The following RBFOX1 variants were observed in gnomAD, a reference collection of about 807,000 sequenced individuals.
The protein encoded by RBFOX1 is RNA binding fox-1 homolog 1.
Under a neutral mutation model 57.7 loss-of-function variants are expected in RBFOX1, and 8 were observed. The ratio of observed to expected loss-of-function variants is 0.14; its 90% CI spans 0.08 to 0.25. RBFOX1 has a LOEUF of 0.25. RBFOX1 is among the 10% of genes least tolerant of loss of function. The pLI is 1.00. For synonymous variants in RBFOX1, 326 were observed against 222.4 expected, an observed-to-expected ratio of 1.47 and a Z score of -4.15; for missense variants, 611 against 548.5, an observed-to-expected ratio of 1.11 and a Z score of -1.14.
intron 3 of RBFOX1, among the ~76,000 whole-genome samples, chr16:6,827,529 C>T (rs1291841873): frequency 6.6e-6 from 1 of 152,072 alleles, no homozygotes; most frequent in African/African-American, 2.4e-5. Context: ...CTGAGTGTGA[C>T]CATGTCACTC....
chr16:6,383,474 T>C (rs1315607396), intron 2 of RBFOX1, among the ~76,000 whole-genome samples: 1 of 152,126 alleles, frequency 6.6e-6, no homozygotes, highest in African/African-American at 2.4e-5. Context: ...ACCAAGCCCC[T>C]TCTAGAAAAA....
intron 9 of RBFOX1, 122 bp from the exon 10 acceptor site, chr16:7,607,163 C>G (rs147602293): frequency 6.1e-6 from 5 of 823,724 alleles, no homozygotes; most frequent in Middle Eastern, 3.4e-4. Flanking sequence ...CCAAACGACA[C>G]CTCCTTTACA....
At chr16:7,346,997 A>G (rs1199577903) in intron 4 of RBFOX1, among the ~76,000 whole-genome samples, 3 of 152,326 alleles carry the variant, frequency 2.0e-5, no homozygotes, top group East Asian at 1.9e-4. Flanking sequence ...CTCAAAAGAG[A>G]AAGAAAAAAG....
At chr16:7,115,088 T>G (rs571823478) in intron 4 of RBFOX1, among the ~76,000 whole-genome samples, 1 of 152,338 alleles carries the variant, frequency 6.6e-6, no homozygotes, top group Admixed American at 6.5e-5. Context: ...AGCCTTTGCT[T>G]AAAAATAATG....
chr16:6,683,199 AT>A lies in RBFOX1; in HGVS notation c.-16+28550del, dbSNP rs201273076. ...TTACATTAAATTGTCACATAAAAAAATAAAAAGGGTGAGAGAACTGTTCTAA... is the reference window on the plus strand; with the variant it reads ...TTACATTAAATTGTCACATAAAAAAAAAAAAGGGTGAGAGAACTGTTCTAA... On this transcript the variant is annotated intron_variant, in intron 3 of 15. Coordinates refer to ENST00000550418, the MANE Select transcript of RBFOX1 (RefSeq NM_018723.4). 3.2e-4 allele frequency among the ~76,000 whole-genome samples: 49 copies of A among 152,338 alleles called. No homozygotes were observed. In the East Asian group the frequency reaches 7.7e-3, roughly 24 times the overall value.
At chr16:5,366,220 C>T (rs1567395361) in intron 1 of RBFOX1, 1 of 409,624 alleles carries the variant, frequency 2.4e-6, no homozygotes, top group East Asian at 6.1e-5. Flanking sequence ...AAGCAGGCTG[C>T]CCCTGGAGGT....
At chr16:5,978,836 C>G (rs1157835645) in intron 4 of RBFOX1, among the ~76,000 whole-genome samples, 1 of 151,090 alleles carries the variant, frequency 6.6e-6, no homozygotes, top group African/African-American at 2.4e-5. Flanking sequence ...GTGAAATGCT[C>G]TTCTCATCAT....
At chr16:6,561,557 T>C (rs1263130552) in intron 2 of RBFOX1, among the ~76,000 whole-genome samples, 1 of 152,186 alleles carries the variant, frequency 6.6e-6, no homozygotes, top group Non-Finnish European at 1.5e-5. Context: ...AGATGTGTGA[T>C]TTTTAGAAGG....
At chr16:6,563,837 TA>T (rs1219576401) in intron 2 of RBFOX1, among the ~76,000 whole-genome samples, 10 of 149,380 alleles carry the variant, frequency 6.7e-5, no homozygotes, top group African/African-American at 2.5e-4. Context: ...AAAAAAAAAA[TA>T]TATATATATG....
At chr16:7,292,274 TATATATC>T (rs200022351) in intron 4 of RBFOX1, among the ~76,000 whole-genome samples, 2 of 123,564 alleles carry the variant, frequency 1.6e-5, no homozygotes, top group East Asian at 2.1e-4. Context: ...TAGAACGTAT[TATATATC>T]ATATATCATA....
intron 1 of RBFOX1, among the ~76,000 whole-genome samples, chr16:6,080,840 G>C (rs1170886816): frequency 6.6e-6 from 1 of 152,154 alleles, no homozygotes; most frequent in Admixed American, 6.5e-5. Context: ...CCTTTGATGT[G>C]TGTACGTGAA....
chr16:7,215,568 C>T (rs927283013), intron 4 of RBFOX1, among the ~76,000 whole-genome samples: 26 of 152,236 alleles, frequency 1.7e-4, no homozygotes, highest in African/African-American at 5.8e-4. Context: ...TTTGTAAGTA[C>T]ATTTACTGAG....
Position 5,958,612 on chromosome 16 carries a change from G to A in RBFOX1, c.351+91277G>A, listed in dbSNP as rs78271267. ...AGGTGTATTACTTTCCTTTTCTGTT[G>A]TAACAAATTACCACAGAATTAGTGG... On this transcript the variant is annotated intron_variant, in intron 4 of 19. Transcript: ENST00000641259. Among the ~76,000 whole-genome samples the A allele has an allele frequency of 9.8e-4, 149 of 152,284 alleles. 1 individual carries two copies. The East Asian group carries it at 0.023, about 23-fold the overall frequency.
At chr16:6,332,063 G>A (rs1029857588) in intron 2 of RBFOX1, among the ~76,000 whole-genome samples, 3 of 152,252 alleles carry the variant, frequency 2.0e-5, no homozygotes. Context: ...CCAATGGGGT[G>A]TGAGGTAGCA....
chr16:7,685,456 G>A (rs76507287), intron 14 of RBFOX1, among the ~76,000 whole-genome samples: 4,467 of 152,082 alleles, frequency 0.029, 113 homozygotes, highest in Admixed American at 0.083. Flanking sequence ...ATAGATTCAC[G>A]CTAATATAAA....
intron 1 of RBFOX1, among the ~76,000 whole-genome samples, chr16:6,031,394 C>G (rs2095287200): frequency 6.6e-6 from 1 of 152,202 alleles, no homozygotes; most frequent in Admixed American, 6.5e-5. Flanking sequence ...CTCTCAGGAG[C>G]CTGTGCCCTG....
chr16:5,795,034 G>A (rs74545266), intron 3 of RBFOX1, among the ~76,000 whole-genome samples: 1 of 152,280 alleles, frequency 6.6e-6, no homozygotes, highest in Admixed American at 6.5e-5. Context: ...CTTCTCCCCA[G>A]TTGTATGACT....
chr16:6,802,146 G>A (rs2085619746), intron 3 of RBFOX1, among the ~76,000 whole-genome samples: 1 of 151,624 alleles, frequency 6.6e-6, no homozygotes, highest in African/African-American at 2.4e-5. Flanking sequence ...TAAGCCCCAG[G>A]AAAGGCCTGG....
At chr16:7,181,932 GC>G (rs2082795759) in intron 4 of RBFOX1, among the ~76,000 whole-genome samples, 1 of 152,172 alleles carries the variant, frequency 6.6e-6, no homozygotes, top group Non-Finnish European at 1.5e-5. Flanking sequence ...AAAAAACTCA[GC>G]CGTCGAAATA....
Sources: allele counts gnomAD v4.1 joint callset (sites outside exome capture counted in the v4.1 genomes callset), GRCh38; gene constraint gnomAD v4.1.1; transcripts MANE v1.5; gene names NCBI Gene and HGNC (gene_info 2026-07-23, HGNC 2026-07-21).